The following LRBA variants were observed in gnomAD, a reference collection of about 807,000 sequenced individuals.
The protein encoded by LRBA is LPS responsive beige-like anchor protein.
Under a neutral mutation model 330.0 loss-of-function variants are expected in LRBA, and 176 were observed. That is an observed-to-expected ratio of 0.53 (90% confidence interval 0.47 to 0.60). The LOEUF (loss-of-function observed/expected upper bound fraction) is 0.60. Among genes scored for constraint, LRBA ranks in the 20% least tolerant of loss-of-function variants. The pLI, the probability that LRBA is intolerant of heterozygous loss-of-function variation, is 0.00. For missense variants in LRBA, 3,259 were observed against 3,444.8 expected (o/e 0.95, Z 1.35); for synonymous variants, 1,230 against 1,193.0 (o/e 1.03, Z -0.64).
chr4:150,742,635 T>A (rs1295747971), intron 35 of LRBA, among the ~76,000 whole-genome samples: 1 of 152,094 alleles, frequency 6.6e-6, no homozygotes, highest in Non-Finnish European at 1.5e-5. Flanking sequence ...CAGTGGCTCA[T>A]GCCTACAATC....
intron 36 of LRBA, among the ~76,000 whole-genome samples, chr4:150,712,198 C>T (rs1406143269): frequency 2.0e-5 from 3 of 152,140 alleles, no homozygotes; most frequent in Admixed American, 1.3e-4. Flanking sequence ...GCCCACCTGG[C>T]TCATGGGTTA....
intron 40 of LRBA, among the ~76,000 whole-genome samples, chr4:150,505,996 C>G (rs559341105): frequency 1.3e-4 from 20 of 152,258 alleles, no homozygotes; most frequent in Admixed American, 3.3e-4. Flanking sequence ...ATAAATTCCT[C>G]GACACATACA....
At chr4:150,363,679 G>A (rs540709279) in intron 47 of LRBA, among the ~76,000 whole-genome samples, 12 of 152,164 alleles carry the variant, frequency 7.9e-5, no homozygotes, top group Non-Finnish European at 1.8e-4. Flanking sequence ...ATTAGTTACT[G>A]TCATGTCTGT....
At chr4:150,267,420 G>C (rs537598680) in intron 56 of LRBA, among the ~76,000 whole-genome samples, 2 of 140,172 alleles carry the variant, frequency 1.4e-5, no homozygotes, top group Non-Finnish European at 3.2e-5. Context: ...GTAAATAAAT[G>C]ATGAGTCAAA....
rs149324157 is a variant in LRBA at position 150,828,421 on chromosome 4, G to C, written c.4930C>G (p.Leu1644Val). ...GGAGACTTATTGACTTCTAAAGAAA[G>C]AGTAGATAGCACCTCGCTGATTGCA... Reference protein sequence around the residue: ...PDAISEVLSTLSLEVNKSPET... With the variant: ...PDAISEVLSTVSLEVNKSPET... Residue 1644 changes from leucine to valine, a missense_variant, in exon 30 of 57, where the codon CTT (leucine) becomes GTT (valine). Physicochemically the swap from Leu to Val is conservative, Grantham distance 32 (BLOSUM62 1). Coordinates refer to ENST00000651943, the MANE Select transcript of LRBA (RefSeq NM_001364905.1). 72 of 1,614,010 alleles carry C rather than the reference G, an allele frequency of 4.5e-5. No individual in the cohort carries two copies. In the African/African-American group the frequency reaches 8.3e-4, roughly 19 times the overall value.
At chr4:150,395,158 A>G (rs933961025) in intron 47 of LRBA, among the ~76,000 whole-genome samples, 1 of 152,164 alleles carries the variant, frequency 6.6e-6, no homozygotes, top group African/African-American at 2.4e-5. Context: ...TAAAAATGGG[A>G]TTAAGTGTAC....
chr4:150,818,528 ATGTCTG>A (rs1015042653), intron 30 of LRBA, among the ~76,000 whole-genome samples: 3 of 93,348 alleles, frequency 3.2e-5, no homozygotes, highest in African/African-American at 1.1e-4. Flanking sequence ...GATATGACGA[ATGTCTG>A]TGTGTGTGTG....
chr4:150,366,542 G>C (rs1427017578), intron 47 of LRBA, among the ~76,000 whole-genome samples: 2 of 152,194 alleles, frequency 1.3e-5, no homozygotes, highest in Non-Finnish European at 2.9e-5. Context: ...GCATGGAGGA[G>C]TGGGGGCTGG....
At chr4:150,288,728 CT>C (rs34527640) in intron 53 of LRBA, among the ~76,000 whole-genome samples, 13 of 146,078 alleles carry the variant, frequency 8.9e-5, no homozygotes, top group African/African-American at 1.5e-4. Context: ...CCATTGGCAA[CT>C]TTTTTTTTTT....
At chr4:150,347,085 A>T (rs1736471491) in intron 48 of LRBA, among the ~76,000 whole-genome samples, 1 of 152,232 alleles carries the variant, frequency 6.6e-6, no homozygotes, top group East Asian at 1.9e-4. Flanking sequence ...CAAATCTTGA[A>T]GATATTACGC....
Position 150,862,325 on chromosome 4 carries a change from C to T in LRBA, c.2766+5346G>A, listed in dbSNP as rs533942891. Among the ~76,000 whole-genome samples, 186 of 152,248 alleles carry T rather than the reference C, an allele frequency of 1.2e-3. 5 individuals carry two copies. In the East Asian group the frequency reaches 0.033, roughly 27 times the overall value. On this transcript the variant is annotated intron_variant, in intron 22 of 56. Coordinates refer to ENST00000651943, the MANE Select transcript of LRBA (RefSeq NM_001364905.1). ...CTGGATTAAGAAAATGTGGCACATG[C>T]ACACCATGGAATACTATGCAGCCAT... is the stretch of plus-strand genomic sequence containing the variant.
chr4:150,647,570 A>C (rs547045948), intron 37 of LRBA, among the ~76,000 whole-genome samples: 1 of 151,362 alleles, frequency 6.6e-6, no homozygotes, highest in South Asian at 2.1e-4. Context: ...ATTTTTTTAA[A>C]TTATGTGTTG....
At position 150,507,773 on chromosome 4, in the gene LRBA, C is replaced by T. The variant is rs192037145; in HGVS notation, c.6331-16738G>A. Among the ~76,000 whole-genome samples the T allele has an allele frequency of 4.2e-3, 645 of 152,188 alleles. 3 individuals are homozygous for T. The highest frequency in any genetic ancestry group is 0.015 in the African/African-American group (624 of 41,522). ...AGCTTCTGCAGAGCAAAAGAAACTA[C>T]CATCAGAGTGAACAGGCAACCTACA... On this transcript the variant is annotated intron_variant, in intron 40 of 56. Transcript: ENST00000651943.
intron 49 of LRBA, among the ~76,000 whole-genome samples, chr4:150,323,628 C>G (rs1399392483): frequency 6.6e-6 from 1 of 152,216 alleles, no homozygotes; most frequent in Non-Finnish European, 1.5e-5. Context: ...AAATATCTGT[C>G]CCTCTAGTCT....
At chr4:150,867,450 G>A (rs779011822) in intron 22 of LRBA, among the ~76,000 whole-genome samples, 15 of 152,088 alleles carry the variant, frequency 9.9e-5, no homozygotes, top group Non-Finnish European at 1.8e-4. Context: ...ATAAAGATAA[G>A]TACATGTAAA....
intron 37 of LRBA, among the ~76,000 whole-genome samples, chr4:150,603,510 G>A (rs1774325030): frequency 6.6e-6 from 1 of 152,012 alleles, no homozygotes; most frequent in Non-Finnish European, 1.5e-5. Context: ...TTTTTAAGAT[G>A]GTAGAGTGTC....
chr4:150,941,911 T>C (rs1364630688), intron 2 of LRBA, among the ~76,000 whole-genome samples: 1 of 152,092 alleles, frequency 6.6e-6, no homozygotes, highest in Admixed American at 6.5e-5. Flanking sequence ...GTAATATTTG[T>C]CTCTACTGGG....
chr4:150,514,369 G>A (rs575285688), intron 40 of LRBA, among the ~76,000 whole-genome samples: 5 of 152,242 alleles, frequency 3.3e-5, no homozygotes, highest in South Asian at 2.1e-4. Flanking sequence ...ACCACATGCC[G>A]GGCCCCTTTC....
intron 35 of LRBA, among the ~76,000 whole-genome samples, chr4:150,745,660 C>T (rs1732598122): frequency 6.6e-6 from 1 of 152,036 alleles, no homozygotes; most frequent in Admixed American, 6.6e-5. Flanking sequence ...GGATTACAGG[C>T]ACGCACCACC....
Sources: allele counts gnomAD v4.1 joint callset (sites outside exome capture counted in the v4.1 genomes callset), GRCh38; gene constraint gnomAD v4.1.1; transcripts MANE v1.5; gene names NCBI Gene and HGNC (gene_info 2026-07-23, HGNC 2026-07-21).